The following NEK11 variants were observed in gnomAD, a reference collection of about 807,000 sequenced individuals.
The protein encoded by NEK11 is NIMA related kinase 11.
NEK11 carries 72 observed loss-of-function variants against 80.7 expected under a neutral mutation model. The observed-to-expected ratio is 0.89, with a 90% CI of 0.74 to 1.08. NEK11 has a LOEUF of 1.08. Among genes scored for constraint, NEK11 ranks in the 50% least tolerant of loss-of-function variants. The probability of loss-of-function intolerance (pLI) is 0.00; values close to 1 mark genes in which losing one functional copy is unlikely to be tolerated. For synonymous variants in NEK11, 251 were observed against 260.7 expected (o/e 0.96, Z 0.36); for missense variants, 764 against 763.6 (o/e 1.00, Z -0.01).
chr3:131,228,330 T>G (rs1291698329), intron 14 of NEK11, among the ~76,000 whole-genome samples, 198 bp from the exon 15 acceptor site: 1 of 152,140 alleles, frequency 6.6e-6, no homozygotes, highest in East Asian at 1.9e-4. Context: ...ATGTTCCTCC[T>G]TTCCTCTACT....
chr3:131,069,953 T>G (rs2148907567), intron 3 of NEK11, among the ~76,000 whole-genome samples: 1 of 151,336 alleles, frequency 6.6e-6, no homozygotes, highest in Admixed American at 6.6e-5. Context: ...AATGTGCACA[T>G]GTACCCTAAA....
intron 14 of NEK11, among the ~76,000 whole-genome samples, chr3:131,209,529 T>C (rs2094545953): frequency 1.3e-5 from 2 of 152,212 alleles, no homozygotes; most frequent in East Asian, 1.9e-4. Context: ...TTTCTATTGA[T>C]CTATTGATTG....
intron 7 of NEK11, among the ~76,000 whole-genome samples, chr3:131,147,073 T>G (rs1463928484): frequency 6.6e-6 from 1 of 152,118 alleles, no homozygotes; most frequent in Non-Finnish European, 1.5e-5. Context: ...TTATCATTAG[T>G]GCCTTTTATG....
At chr3:131,345,609 T>C (rs1020672453) in intron 17 of NEK11, among the ~76,000 whole-genome samples, 1 of 152,182 alleles carries the variant, frequency 6.6e-6, no homozygotes, top group Non-Finnish European at 1.5e-5. Flanking sequence ...ACAGCCACTA[T>C]GGAAAACAAT....
At chr3:131,306,858 A>T (rs2096728576) in intron 17 of NEK11, among the ~76,000 whole-genome samples, 1 of 152,076 alleles carries the variant, frequency 6.6e-6, no homozygotes, top group Non-Finnish European at 1.5e-5. Context: ...ATTTGTCCAC[A>T]CTGAGCCTCC....
At chr3:131,183,110 T>C (rs1442903372) in intron 14 of NEK11, among the ~76,000 whole-genome samples, 1 of 152,180 alleles carries the variant, frequency 6.6e-6, no homozygotes, top group Non-Finnish European at 1.5e-5. Flanking sequence ...TGAAAAATTT[T>C]AGTGGTATAC....
At chr3:131,245,965 A>G (rs1170054026) in intron 16 of NEK11, among the ~76,000 whole-genome samples, 2 of 152,018 alleles carry the variant, frequency 1.3e-5, no homozygotes, top group African/African-American at 4.8e-5. Flanking sequence ...TTCTTTTGCT[A>G]CACAGAAACA....
chr3:131,196,332 T>A (rs2150333088), intron 14 of NEK11, among the ~76,000 whole-genome samples: 1 of 152,128 alleles, frequency 6.6e-6, no homozygotes, highest in East Asian at 1.9e-4. Flanking sequence ...AAAAATAGAT[T>A]CTTACTGTAT....
chr3:131,153,005 C>T (rs542637681), intron 9 of NEK11, among the ~76,000 whole-genome samples: 1 of 152,128 alleles, frequency 6.6e-6, no homozygotes, highest in East Asian at 1.9e-4. Context: ...GAGGATCACT[C>T]GAACCCAGGA....
At position 131,170,424 on chromosome 3, in the gene NEK11, G is replaced by C. The variant is rs563697016; in HGVS notation, c.1285-349G>C. On this transcript the variant is annotated intron_variant, in intron 13 of 17. Coordinates refer to ENST00000383366, the MANE Select transcript of NEK11 (RefSeq NM_024800.5). Reference sequence around the variant, plus strand: ...CAGAAACTGAGCAGGGCTGGAGTAGGGTGTGGTAAGTGGAACACCATAGGT... The same window carrying C: ...CAGAAACTGAGCAGGGCTGGAGTAGCGTGTGGTAAGTGGAACACCATAGGT... Among the ~76,000 whole-genome samples, 68 of 152,286 alleles carry C rather than the reference G, an allele frequency of 4.5e-4. 1 individual carries two copies. The highest frequency in any genetic ancestry group is 1.5e-3 in the African/African-American group (64 of 41,562).
chr3:131,112,093 G>A (rs1347414193), intron 5 of NEK11, among the ~76,000 whole-genome samples: 1 of 152,136 alleles, frequency 6.6e-6, no homozygotes, highest in South Asian at 2.1e-4. Context: ...GTAGAAATGA[G>A]TGCTGATGTC....
chr3:131,092,290 A>G (rs1184135100), intron 4 of NEK11, among the ~76,000 whole-genome samples: 1 of 152,208 alleles, frequency 6.6e-6, no homozygotes, highest in Non-Finnish European at 1.5e-5. Flanking sequence ...TTGATGTACA[A>G]CAGATGGCTG....
intron 17 of NEK11, among the ~76,000 whole-genome samples, chr3:131,331,122 C>T (rs1003150446): frequency 6.6e-6 from 1 of 152,192 alleles, no homozygotes; most frequent in Non-Finnish European, 1.5e-5. Context: ...CATTCATGCA[C>T]TATGTGACAT....
chr3:131,031,804 A>G (rs1464605069), intron 3 of NEK11, among the ~76,000 whole-genome samples: 1 of 152,192 alleles, frequency 6.6e-6, no homozygotes, highest in Non-Finnish European at 1.5e-5. Flanking sequence ...TGGTGAGGAT[A>G]ACGGACAAAA....
At chr3:131,132,968 CT>C (rs1478386352) in intron 6 of NEK11, among the ~76,000 whole-genome samples, 159 bp downstream of exon 6, 5 of 151,928 alleles carry the variant, frequency 3.3e-5, no homozygotes, top group Non-Finnish European at 5.9e-5. Flanking sequence ...GAAATGAACA[CT>C]AAATTTCTCA....
At chr3:131,066,853 A>G (rs1477400441) in intron 3 of NEK11, among the ~76,000 whole-genome samples, 2 of 151,500 alleles carry the variant, frequency 1.3e-5, no homozygotes, top group African/African-American at 4.8e-5. Context: ...AAAAAAAAAA[A>G]AAAAAGAAAA....
At chr3:131,028,807 G>A (rs1302369490) in intron 2 of NEK11, among the ~76,000 whole-genome samples, 2 of 151,768 alleles carry the variant, frequency 1.3e-5, no homozygotes, top group Non-Finnish European at 2.9e-5. Flanking sequence ...GCCCGCCTTG[G>A]CCTCCCAAAG....
chr3:131,152,830 G>A, intron 9 of NEK11, 121 bp downstream of exon 9: 1 of 749,818 alleles, frequency 1.3e-6, no homozygotes, highest in Non-Finnish European at 2.2e-6. Context: ...GAGGAAAAAG[G>A]CCAAAAAGAA....
At chr3:131,166,203 T>A (rs1034639131) in intron 12 of NEK11, among the ~76,000 whole-genome samples, 1 of 152,230 alleles carries the variant, frequency 6.6e-6, no homozygotes, top group Non-Finnish European at 1.5e-5. Flanking sequence ...TAAAAGCAAC[T>A]TGGGATGAAG....
Sources: allele counts gnomAD v4.1 joint callset (sites outside exome capture counted in the v4.1 genomes callset), GRCh38; gene constraint gnomAD v4.1.1; transcripts MANE v1.5; gene names NCBI Gene and HGNC (gene_info 2026-07-23, HGNC 2026-07-21).